TCERG1L: variants seen among roughly 807,000 people sequenced by gnomAD.
TCERG1L encodes the protein transcription elongation regulator 1-like protein.
Under a neutral mutation model 56.3 loss-of-function variants are expected in TCERG1L, and 37 were observed. That is an observed-to-expected ratio of 0.66 (90% confidence interval 0.51 to 0.87). The LOEUF is 0.87. TCERG1L is among the 40% of genes least tolerant of loss of function. The probability of loss-of-function intolerance (pLI) is 0.00; values close to 1 mark genes in which losing one functional copy is unlikely to be tolerated. For synonymous variants in TCERG1L, 324 were observed against 326.3 expected (o/e 0.99, Z 0.08); for missense variants, 799 against 774.2 (o/e 1.03, Z -0.38).
rs990030631 is a variant in TCERG1L at position 131,116,022 on chromosome 10, G to A, written c.1395+777C>T. Among the ~76,000 whole-genome samples the A allele has an allele frequency of 3.3e-5, 5 of 152,274 alleles. No homozygotes were observed. In the Middle Eastern group the frequency reaches 0.01, roughly 311 times the overall value. On this transcript the variant is annotated intron_variant, in intron 9 of 11. Coordinates refer to ENST00000368642, the MANE Select transcript of TCERG1L (RefSeq NM_174937.4). ...CTCTGAAGTCTGAAAGGCCATTTGC[G>A]TGTTCATTATAAACATCCTCACACG... is the stretch of plus-strand genomic sequence containing the variant.
rs769954551 is a variant in TCERG1L at position 131,309,234 on chromosome 10, G to C, written c.408C>G (p.Pro136=). 1 of 1,607,448 alleles carries C rather than the reference G, an allele frequency of 6.2e-7. No individual in the cohort carries two copies. Among genetic ancestry groups the C allele is most frequent in the Non-Finnish European group, 8.5e-7 (1 of 1,177,840 alleles). The change falls in exon 2 of 12, where the codon CCC becomes CCG. Residue 136 remains proline, a synonymous_variant. Coordinates refer to ENST00000368642, the MANE Select transcript of TCERG1L (RefSeq NM_174937.4). The part of the protein sequence containing the change: ...LPPSSTVELV[P]VFPHLCPSAL... ...CAGAAGGGCAGAGATGTGGGAAGAC[G>C]GGCACCAGCTCCACTGTGGAAGAGG...
chr10:131,236,315 T>A (rs112181327), intron 4 of TCERG1L, among the ~76,000 whole-genome samples: 1 of 152,232 alleles, frequency 6.6e-6, no homozygotes, highest in Admixed American at 6.5e-5. Flanking sequence ...GCTACCTTTT[T>A]TTCCCCCAAA....
intron 4 of TCERG1L, among the ~76,000 whole-genome samples, chr10:131,225,844 A>T (rs1845785795): frequency 6.6e-6 from 1 of 152,208 alleles, no homozygotes; most frequent in African/African-American, 2.4e-5. Flanking sequence ...TCAAAATTAG[A>T]GACTTCTGTT....
intron 9 of TCERG1L, among the ~76,000 whole-genome samples, chr10:131,114,278 T>C (rs1845434227): frequency 7.0e-6 from 1 of 142,324 alleles, no homozygotes; most frequent in Admixed American, 6.9e-5. Flanking sequence ...CTAGAAACCT[T>C]ATGGGTTTAG....
At chr10:131,129,181 C>T (rs775766546) in intron 8 of TCERG1L, among the ~76,000 whole-genome samples, 21 of 151,674 alleles carry the variant, frequency 1.4e-4, no homozygotes, top group Non-Finnish European at 2.6e-4. Flanking sequence ...CTGACTTAGT[C>T]CTGATATGAA....
At chr10:131,232,754 C>T (rs896043154) in intron 4 of TCERG1L, among the ~76,000 whole-genome samples, 1 of 152,124 alleles carries the variant, frequency 6.6e-6, no homozygotes, top group Non-Finnish European at 1.5e-5. Context: ...CTTGTTCCAC[C>T]ACACAAGTGT....
chr10:131,272,259 C>T (rs1199396089), intron 3 of TCERG1L, among the ~76,000 whole-genome samples: 1 of 152,230 alleles, frequency 6.6e-6, no homozygotes, highest in African/African-American at 2.4e-5. Flanking sequence ...GGAAGACCAG[C>T]GCCAGGTGTT....
chr10:131,265,956 T>G (rs1457525193), intron 3 of TCERG1L, among the ~76,000 whole-genome samples: 1 of 152,290 alleles, frequency 6.6e-6, no homozygotes, highest in Non-Finnish European at 1.5e-5. Flanking sequence ...TAGCATGCAA[T>G]GCTGTTTGAC....
At position 131,125,679 on chromosome 10, in the gene TCERG1L, A is replaced by G. The variant is rs377271415; in HGVS notation, c.1259+8700T>C. ...AGGCCCCTGGGTGAGATGGGAGCAC[A>G]GGGGTGTCGGTTCCGCCAGCTCTGC... On this transcript the variant is annotated intron_variant, in intron 8 of 11. Transcript: ENST00000368642. Among the ~76,000 whole-genome samples, 10 of 152,326 alleles carry G rather than the reference A, an allele frequency of 6.6e-5. No homozygotes were observed. The East Asian group carries it at 1.9e-3, about 29-fold the overall frequency.
At chr10:131,246,686 T>C (rs1482491425) in intron 4 of TCERG1L, among the ~76,000 whole-genome samples, 1 of 146,478 alleles carries the variant, frequency 6.8e-6, no homozygotes, top group Non-Finnish European at 1.5e-5. Flanking sequence ...CCGGGATGAC[T>C]CAGGGATGCG....
intron 3 of TCERG1L, among the ~76,000 whole-genome samples, chr10:131,289,115 C>CA (rs1846578407): frequency 6.6e-6 from 1 of 151,034 alleles, no homozygotes; most frequent in South Asian, 2.1e-4. Context: ...ATTTTAAAAA[C>CA]AGATTGCTTC....
In TCERG1L at chr10:131,118,046, G is replaced by A. The variant is rs916334097; in HGVS notation, c.1260-1112C>T. ...CAGACTCAACCCGCGCTGGGTTGGC[G>A]CACCCTCACTCTGACCATGCTGAGC... is the stretch of plus-strand genomic sequence containing the variant. On this transcript the variant is annotated intron_variant, in intron 8 of 11. Coordinates refer to ENST00000368642, the MANE Select transcript of TCERG1L (RefSeq NM_174937.4). The surrounding 1 kb of genome is among the most constrained non-coding windows in gnomAD (Gnocchi z 4.2). Among the ~76,000 whole-genome samples the A allele has an allele frequency of 6.6e-5, 10 of 152,094 alleles. No individual in the cohort carries two copies. Among genetic ancestry groups the A allele is most frequent in the Admixed American group, 4.6e-4 (7 of 15,278 alleles).
chr10:131,148,471 T>C (rs1398569407), intron 6 of TCERG1L, among the ~76,000 whole-genome samples: 2 of 142,856 alleles, frequency 1.4e-5, no homozygotes, highest in Admixed American at 1.4e-4. Flanking sequence ...CACAGACACA[T>C]ACACAGACAC....
intron 4 of TCERG1L, among the ~76,000 whole-genome samples, chr10:131,210,345 G>A (rs1845603521): frequency 6.6e-6 from 1 of 152,062 alleles, no homozygotes; most frequent in African/African-American, 2.4e-5. Context: ...CCAACCCTCT[G>A]CCCCCAGGGC....
Position 131,093,083 on chromosome 10 carries a change from G to A in TCERG1L, c.*79C>T, listed in dbSNP as rs567510027. ...TGCAGGTCTCGGCCGCCCCACGCCC[G>A]TGTCCGTCTCCACCGTGACCCCCTC... is the stretch of plus-strand genomic sequence containing the variant. On this transcript the variant is annotated 3_prime_UTR_variant, in exon 12 of 12. Coordinates refer to ENST00000368642, the MANE Select transcript of TCERG1L (RefSeq NM_174937.4). 37 of 1,513,634 alleles carry A rather than the reference G, an allele frequency of 2.4e-5. No individual in the cohort carries two copies. Among genetic ancestry groups the A allele is most frequent in the East Asian group, 6.9e-5 (3 of 43,616 alleles). 93.8% of individuals were successfully genotyped at this position (1,513,634 alleles called of 1,614,324 possible).
chr10:131,259,291 G>T (rs1846208663), intron 4 of TCERG1L, among the ~76,000 whole-genome samples: 1 of 152,178 alleles, frequency 6.6e-6, no homozygotes, highest in African/African-American at 2.4e-5. Context: ...GTCTATCACA[G>T]TCTAGTGATA....
At chr10:131,255,023 G>A (rs2133536854) in intron 4 of TCERG1L, among the ~76,000 whole-genome samples, 1 of 152,042 alleles carries the variant, frequency 6.6e-6, no homozygotes, top group South Asian at 2.1e-4. Context: ...CTTATCTATG[G>A]AACACTGTGG....
chr10:131,300,396 C>G (rs144535213), intron 3 of TCERG1L, among the ~76,000 whole-genome samples: 1 of 152,258 alleles, frequency 6.6e-6, no homozygotes, highest in African/African-American at 2.4e-5. Context: ...GATATTCTCT[C>G]CTGGCTCTGG....
At chr10:131,282,991 GA>G (rs748465810) in intron 3 of TCERG1L, among the ~76,000 whole-genome samples, 14 of 152,196 alleles carry the variant, frequency 9.2e-5, no homozygotes, top group Non-Finnish European at 1.0e-4. Context: ...GGAATCTATT[GA>G]ATCTATTGAG....
Sources: allele counts gnomAD v4.1 joint callset (sites outside exome capture counted in the v4.1 genomes callset), GRCh38; gene constraint gnomAD v4.1.1; non-coding constraint Gnocchi (gnomAD v3.1); transcripts MANE v1.5; gene names NCBI Gene and HGNC (gene_info 2026-07-23, HGNC 2026-07-21).